Variants in TRIM23 observed in about 807,000 individuals in gnomAD.
The protein encoded by TRIM23 is E3 ubiquitin-protein ligase TRIM23.
In TRIM23, 27 loss-of-function variants were observed where a neutral mutation model predicts 71.0. The observed-to-expected ratio is 0.38, with a 90% CI of 0.28 to 0.52. The LOEUF (loss-of-function observed/expected upper bound fraction) is 0.52. TRIM23 is among the 20% of genes least tolerant of loss of function. The pLI, the probability that TRIM23 is intolerant of heterozygous loss-of-function variation, is 0.84. For missense variants in TRIM23, 482 were observed against 692.3 expected (o/e 0.70, Z 3.41); for synonymous variants, 234 against 238.0 (o/e 0.98, Z 0.16).
chr5:65,591,199 C>G lies in TRIM23; in HGVS notation c.*570G>C. On this transcript the variant is annotated 3_prime_UTR_variant, in exon 11 of 11. Transcript: ENST00000231524. Reference sequence around the variant, plus strand: ...TATATAAAGTATTAATTTTCTGTACCTTATAGTTCTTAGCATTAAAGGTGT... The same window carrying G: ...TATATAAAGTATTAATTTTCTGTACGTTATAGTTCTTAGCATTAAAGGTGT... 1 of 1,170,926 alleles carries G rather than the reference C, an allele frequency of 8.5e-7. No individual in the cohort carries two copies. Among genetic ancestry groups the G allele is most frequent in the Non-Finnish European group, 1.1e-6 (1 of 947,120 alleles). 72.5% of individuals were successfully genotyped at this position (1,170,926 alleles called of 1,614,324 possible).
rs529778230 is a variant in TRIM23 at position 65,609,223 on chromosome 5, AC to A, written c.1044+19del. The A allele has an allele frequency of 5.4e-4, 866 of 1,613,320 alleles. 1 individual carries two copies. The highest frequency in any genetic ancestry group is 7.7e-4 in the Admixed American group (46 of 59,996). ...ACTTAAACTTACAACTAAGTCCCTA[AC>A]CACATTTAAACTACCTACCTGCTGC... On this transcript the variant is annotated intron_variant, in intron 6 of 10. Transcript: ENST00000231524.
In TRIM23 at chr5:65,611,037, C is replaced by T. The variant is rs373917270; in HGVS notation, c.652G>A (p.Val218Ile). ...ATCTGATTAGCTTCTGGTTCCAATA[C>T]TGAATGCTATAAAATGTACCATAAT... Reference protein sequence around the residue: ...YGKHQGHKHSVLEPEANQIRA... With the variant: ...YGKHQGHKHSILEPEANQIRA... The change falls in exon 5 of 11, where the codon GTA (valine) becomes ATA (isoleucine). Residue 218 changes from valine to isoleucine, a missense_variant. By Grantham distance (29) the Val-to-Ile change is conservative (BLOSUM62 3). Around this residue, in one of 2 missense-constraint regions of TRIM23, gnomAD observed 307 missense variants for 495.8 expected, o/e 0.62. Transcript: ENST00000231524. 1 of 1,610,568 alleles carries T rather than the reference C, an allele frequency of 6.2e-7. No homozygotes were observed.
chr5:65,598,804 A>T (rs1696588487), intron 7 of TRIM23, among the ~76,000 whole-genome samples: 1 of 152,170 alleles, frequency 6.6e-6, no homozygotes, highest in Admixed American at 6.5e-5. Flanking sequence ...AATGGGCTTT[A>T]TAACTGGAAG....
At position 65,590,334 on chromosome 5, in the gene TRIM23, TTTATTTACA is replaced by T. The variant is rs771898778; in HGVS notation, c.*1426_*1434del. 13 of 1,461,190 alleles carry T rather than the reference TTTATTTACA, an allele frequency of 8.9e-6. No individual in the cohort carries two copies. Among genetic ancestry groups the T allele is most frequent in the Non-Finnish European group, 1.1e-5 (12 of 1,067,990 alleles). The allele number at this position is 1,461,190 out of a possible 1,614,324, so 90.5% of individuals were successfully genotyped here. Reference sequence around the variant, plus strand: ...AATAAAGGATGAAATATTACATTTATTTATTTACATATTGCCCATAATACTGATAGGCTT... The same window carrying T: ...AATAAAGGATGAAATATTACATTTATTATTGCCCATAATACTGATAGGCTT... On this transcript the variant is annotated 3_prime_UTR_variant, in exon 11 of 11. Transcript: ENST00000231524.
intron 6 of TRIM23, 136 bp from the exon 7 acceptor site, chr5:65,605,181 T>TA: frequency 1.3e-6 from 1 of 747,766 alleles, no homozygotes; most frequent in Non-Finnish European, 2.0e-6. Context: ...ACAAAAATAA[T>TA]AATTGAGCAT....
Position 65,590,517 on chromosome 5 carries a change from A to T in TRIM23, c.*1252T>A. On this transcript the variant is annotated 3_prime_UTR_variant, in exon 11 of 11. Transcript: ENST00000231524. ...AACAATTCAACTAATAAGATTTAAG[A>T]TTTAACTTCATCCTAATGTATCAGA... 1 of 1,167,890 alleles carries T rather than the reference A, an allele frequency of 8.6e-7. No homozygotes were observed. Among genetic ancestry groups the T allele is most frequent in the Non-Finnish European group, 1.1e-6 (1 of 938,110 alleles). The allele number at this position is 1,167,890 out of a possible 1,614,324, so 72.3% of individuals were successfully genotyped here.
intron 10 of TRIM23, 152 bp downstream of exon 10, chr5:65,594,369 C>A (rs1351350235): frequency 5.7e-6 from 6 of 1,051,190 alleles, no homozygotes; most frequent in Non-Finnish European, 8.1e-6. Context: ...CTCCCAGGTA[C>A]CCAGCACAGC....
chr5:65,621,150 A>G (rs550272013), intron 1 of TRIM23, among the ~76,000 whole-genome samples: 1 of 152,348 alleles, frequency 6.6e-6, no homozygotes, highest in Non-Finnish European at 1.5e-5. Flanking sequence ...CAGGAGATTG[A>G]GACCATCCTG....
At chr5:65,614,025 TG>T (rs1754718405) in intron 3 of TRIM23, 72 bp downstream of exon 3, 4 of 1,581,256 alleles carry the variant, frequency 2.5e-6, no homozygotes, top group Middle Eastern at 1.7e-4. Flanking sequence ...GAAGTAATAT[TG>T]TGCTAATAAT....
intron 7 of TRIM23, among the ~76,000 whole-genome samples, chr5:65,600,233 TG>T (rs1754324308): frequency 6.6e-6 from 1 of 151,972 alleles, no homozygotes; most frequent in Non-Finnish European, 1.5e-5. Context: ...GGATTACAAC[TG>T]GAAATGAGAT....
chr5:65,609,497 T>C, intron 5 of TRIM23, 39 bp from the exon 6 acceptor site: 2 of 1,567,692 alleles, frequency 1.3e-6, no homozygotes, highest in South Asian at 2.3e-5. Context: ...ACTGTAATGT[T>C]AATAAAGATT....
At chr5:65,597,277 AC>A in intron 7 of TRIM23, 97 bp from the exon 8 acceptor site, 1 of 1,236,464 alleles carries the variant, frequency 8.1e-7, no homozygotes, top group Non-Finnish European at 1.1e-6. Flanking sequence ...TCATTCCTCA[AC>A]CATTGCAATC....
rs370924682 is a variant in TRIM23 at position 65,602,798 on chromosome 5, A to G, written c.1179+2113T>C. Among the ~76,000 whole-genome samples, 18 of 152,312 alleles carry G rather than the reference A, an allele frequency of 1.2e-4. No individual in the cohort carries two copies. In the East Asian group the frequency reaches 2.1e-3, roughly 18 times the overall value. ...AGCAGAAACCCCTAATAAGCCCATT[A>G]GCTCTCATGAGACTTATTCACTATC... On this transcript the variant is annotated intron_variant, in intron 7 of 10. Coordinates refer to ENST00000231524, the MANE Select transcript of TRIM23 (RefSeq NM_001656.4).
intron 7 of TRIM23, among the ~76,000 whole-genome samples, chr5:65,598,518 TG>T (rs1581176911): frequency 6.6e-6 from 1 of 152,046 alleles, no homozygotes; most frequent in Non-Finnish European, 1.5e-5. Flanking sequence ...AGGCCGAGGT[TG>T]GGGGTGGATC....
intron 1 of TRIM23, among the ~76,000 whole-genome samples, chr5:65,621,305 T>C (rs899706208): frequency 1.3e-5 from 2 of 152,190 alleles, no homozygotes; most frequent in East Asian, 1.9e-4. Flanking sequence ...TGAGCCAAGA[T>C]TGTGCCACTG....
rs780042080 is a variant in TRIM23, at chr5:65,591,967, T to C, written c.1546-19A>G. 2 of 1,604,570 alleles carry C rather than the reference T, an allele frequency of 1.2e-6. No homozygotes were observed. The highest frequency in any genetic ancestry group is 1.7e-5 in the Admixed American group (1 of 59,206). ...CAACATCCTGAAAGATATATACACA[T>C]ATTTTTTATCAGTCCATCCAAATTA... is the stretch of plus-strand genomic sequence containing the variant. On this transcript the variant is annotated intron_variant, in intron 10 of 10. Coordinates refer to ENST00000231524, the MANE Select transcript of TRIM23 (RefSeq NM_001656.4).
At chr5:65,603,962 CTT>C (rs34264463) in intron 7 of TRIM23, among the ~76,000 whole-genome samples, 1 of 147,922 alleles carries the variant, frequency 6.8e-6, no homozygotes, top group Admixed American at 6.7e-5. Context: ...GATATTTTGG[CTT>C]TTTTTTTTTA....
At chr5:65,612,594 T>C (rs1186459317) in intron 3 of TRIM23, among the ~76,000 whole-genome samples, 2 of 151,368 alleles carry the variant, frequency 1.3e-5, no homozygotes, top group African/African-American at 4.9e-5. Context: ...CTGAGGCAGG[T>C]GATCACTTGA....
chr5:65,605,197 A>T, intron 6 of TRIM23, 152 bp from the exon 7 acceptor site: 1 of 727,550 alleles, frequency 1.4e-6, no homozygotes. Flanking sequence ...AGCATTAATA[A>T]ATAATTTAAG....
Sources: gnomAD v4.1 joint callset for allele counts (sites outside exome capture counted in the v4.1 genomes callset) on GRCh38, gnomAD v4.1.1 for gene constraint, gnomAD v4.1.1 regional missense constraint, MANE v1.5 for transcripts, NCBI Gene and HGNC (gene_info 2026-07-23, HGNC 2026-07-21) for gene names.